SSH2: variants seen among roughly 807,000 people sequenced by gnomAD.
SSH2 encodes the protein protein phosphatase Slingshot homolog 2.
SSH2 carries 37 observed loss-of-function variants against 135.2 expected under a neutral mutation model. That is an observed-to-expected ratio of 0.27 (90% confidence interval 0.21 to 0.36). The LOEUF (loss-of-function observed/expected upper bound fraction) is 0.36. Ranked by LOEUF, SSH2 falls within the 10% of genes least tolerant of loss-of-function variation. The pLI is 1.00. For missense variants in SSH2, 1,408 were observed against 1,765.3 expected (o/e 0.80, Z 3.63); for synonymous variants, 628 against 646.2 (o/e 0.97, Z 0.43).
Position 29,862,409 on chromosome 17 carries a change from T to C in SSH2, c.64-13480A>G, listed in dbSNP as rs1446523240. ...GACTTAGTATTAGTTGTTGCAATTC[T>C]TCCTTGTTGCTATAAAAATAACACA... On this transcript the variant is annotated intron_variant, in intron 1 of 15. Transcript: ENST00000540801. 2.0e-5 allele frequency among the ~76,000 whole-genome samples: 3 copies of C among 152,258 alleles called. No individual in the cohort carries two copies. The East Asian group carries it at 5.8e-4, about 29-fold the overall frequency.
chr17:29,756,187 C>A (rs1474694296), intron 3 of SSH2, among the ~76,000 whole-genome samples: 11 of 150,806 alleles, frequency 7.3e-5, no homozygotes, highest in African/African-American at 2.7e-4. Context: ...GCAAAAGAAT[C>A]GCTTGAACCC....
At chr17:29,837,188 C>T (rs1417979086) in intron 2 of SSH2, among the ~76,000 whole-genome samples, 1 of 150,588 alleles carries the variant, frequency 6.6e-6, no homozygotes, top group Non-Finnish European at 1.5e-5. Context: ...ACCTGGGAGG[C>T]AGAGGTTGCA....
At chr17:29,852,047 C>T (rs1046543450) in intron 1 of SSH2, among the ~76,000 whole-genome samples, 3 of 152,034 alleles carry the variant, frequency 2.0e-5, no homozygotes, top group South Asian at 4.1e-4. Flanking sequence ...TTTGGGAGGC[C>T]AAGGTGGGTG....
chr17:29,835,996 G>T (rs962489231), intron 2 of SSH2, among the ~76,000 whole-genome samples: 1 of 150,402 alleles, frequency 6.6e-6, no homozygotes, highest in Non-Finnish European at 1.5e-5. Flanking sequence ...TAGGAGACAG[G>T]TTTCTTTTGA....
intron 3 of SSH2, 190 bp downstream of exon 3, chr17:29,793,704 A>G (rs1467022706): frequency 3.5e-5 from 18 of 517,102 alleles, no homozygotes; most frequent in South Asian, 2.3e-4. Context: ...AGCAATCCCA[A>G]GTAGCTGGAA....
chr17:29,785,907 C>T (rs1320049686), intron 3 of SSH2, among the ~76,000 whole-genome samples: 4 of 151,384 alleles, frequency 2.6e-5, no homozygotes, highest in Admixed American at 2.6e-4. Context: ...TGGGTTCACA[C>T]CATTCTCCTG....
intron 1 of SSH2, among the ~76,000 whole-genome samples, chr17:29,855,169 T>C (rs561364329): frequency 3.9e-5 from 6 of 152,054 alleles, no homozygotes; most frequent in South Asian, 4.1e-4. Flanking sequence ...AGTGAATACA[T>C]TGCAGGTGTA....
At chr17:29,898,423 C>T (rs1041828355) in intron 1 of SSH2, among the ~76,000 whole-genome samples, 6 of 151,884 alleles carry the variant, frequency 4.0e-5, no homozygotes, top group African/African-American at 1.2e-4. Context: ...ATCAAATAGA[C>T]ACAATAAAAA....
At chr17:29,760,227 A>G (rs1302832154) in intron 3 of SSH2, among the ~76,000 whole-genome samples, 1 of 152,212 alleles carries the variant, frequency 6.6e-6, no homozygotes, top group East Asian at 1.9e-4. Flanking sequence ...GTTGTTGGAC[A>G]TTAAAAAGTT....
At chr17:29,748,477 G>C (rs1449615542) in intron 3 of SSH2, among the ~76,000 whole-genome samples, 1 of 151,726 alleles carries the variant, frequency 6.6e-6, no homozygotes, top group Admixed American at 6.6e-5. Flanking sequence ...GAGGCATCTC[G>C]TACCTCTCTT....
intron 3 of SSH2, among the ~76,000 whole-genome samples, 155 bp from the exon 4 acceptor site, chr17:29,703,217 C>T (rs2039059441): frequency 6.6e-6 from 1 of 152,146 alleles, no homozygotes; most frequent in Non-Finnish European, 1.5e-5. Context: ...TGGTTACTCA[C>T]TCATACGCTC....
rs919752944 is a variant in SSH2 at position 29,793,811 on chromosome 17, G to A, written c.188+83C>T. The A allele has an allele frequency of 1.3e-5, 16 of 1,234,404 alleles. No homozygotes were observed. The African/African-American group carries it at 2.4e-4, about 18-fold the overall frequency. The allele number at this position is 1,234,404 out of a possible 1,614,324, so 76.5% of individuals were successfully genotyped here. ...AAGGATAAGCTAATCTGATAAGACT[G>A]AAAAAGAATTAGAGAAAAAACAATA... On this transcript the variant is annotated intron_variant, in intron 3 of 15. Transcript: ENST00000540801.
At chr17:29,767,622 C>G (rs1344574194) in intron 3 of SSH2, among the ~76,000 whole-genome samples, 1 of 116,144 alleles carries the variant, frequency 8.6e-6, no homozygotes, top group African/African-American at 3.1e-5. Context: ...CATACATGCA[C>G]ACACACGCAC....
rs139692577 is a variant in SSH2 at position 29,629,345 on chromosome 17, GCA to G, written c.*1494_*1495del. On this transcript the variant is annotated 3_prime_UTR_variant, in exon 16 of 16. Transcript: ENST00000540801. ...CTTCCTGGCTGTGGTTGAGATACTG[GCA>G]AACAATGTTCTGGGATTTCAGTCTC... is the stretch of plus-strand genomic sequence containing the variant. 226 of 152,796 alleles carry G rather than the reference GCA, an allele frequency of 1.5e-3. 2 individuals are homozygous for G. Among genetic ancestry groups the G allele is most frequent in the African/African-American group, 5.3e-3 (222 of 41,586 alleles). The allele number at this position is 152,796 out of a possible 1,614,324, so 9.5% of individuals were successfully genotyped here. A position where few individuals can be genotyped will look rare whatever the true frequency, so the allele number is the denominator to read the frequency against.
chr17:29,780,836 G>A (rs2041824257), intron 3 of SSH2, among the ~76,000 whole-genome samples: 2 of 151,074 alleles, frequency 1.3e-5, no homozygotes, highest in Admixed American at 6.6e-5. Flanking sequence ...ATTTTTGAGA[G>A]GAGTCTCGCT....
intron 2 of SSH2, among the ~76,000 whole-genome samples, chr17:29,824,391 C>T (rs75668735): frequency 0.035 from 5,381 of 152,172 alleles, 140 homozygotes; most frequent in African/African-American, 0.064. Flanking sequence ...TCACATACAT[C>T]CCCAACAGGC....
chr17:29,785,962 G>A lies in SSH2; in HGVS notation c.188+7932C>T, dbSNP rs574510493. ...TGGGATTACAGGCGCCCGCCATCAC[G>A]CCCGGCTAGTTTTTTGTATTTTTAG... On this transcript the variant is annotated intron_variant, in intron 3 of 15. Coordinates refer to ENST00000540801, the MANE Select transcript of SSH2 (RefSeq NM_001282129.2). Among the ~76,000 whole-genome samples the A allele has an allele frequency of 5.3e-5, 8 of 152,074 alleles. No homozygotes were observed. The East Asian group carries it at 1.5e-3, about 29-fold the overall frequency.
intron 1 of SSH2, among the ~76,000 whole-genome samples, chr17:29,914,442 G>A (rs907826782): frequency 5.9e-5 from 9 of 151,746 alleles, no homozygotes; most frequent in Non-Finnish European, 1.5e-5. Context: ...GTACGCACCT[G>A]TAGTCCCAGC....
Position 29,631,667 on chromosome 17 carries a change from G to A in SSH2, c.3527C>T (p.Thr1176Ile), listed in dbSNP as rs1367446941. 6.2e-7 allele frequency: 1 copy of A among 1,614,224 alleles called. No homozygotes were observed. The highest frequency in any genetic ancestry group is 8.5e-7 in the Non-Finnish European group (1 of 1,180,036). ...CTGTTCTGCAGAGGGCTCATCTGTA[G>A]TGCTGCTCTGCTCTGTGAAGCCCTC... ...HLEGFTEQSSTTDEPSAEQVS... is the reference protein window; with the variant it reads ...HLEGFTEQSSITDEPSAEQVS... The change falls in exon 16 of 16, where the codon ACT becomes ATT. Residue 1176 changes from threonine to isoleucine, a missense_variant. Transcript: ENST00000540801.
Sources: allele counts gnomAD v4.1 joint callset (sites outside exome capture counted in the v4.1 genomes callset), GRCh38; gene constraint gnomAD v4.1.1; transcripts MANE v1.5; gene names NCBI Gene and HGNC (gene_info 2026-07-23, HGNC 2026-07-21).